The following KCNK9 variants were observed in gnomAD, a reference collection of about 807,000 sequenced individuals.
The protein encoded by KCNK9 is potassium channel subfamily K member 9.
A neutral mutation model predicts 10.8 loss-of-function variants in KCNK9; 1 was observed. The observed-to-expected ratio is 0.09, with a 90% CI of 0.03 to 0.44. The LOEUF (loss-of-function observed/expected upper bound fraction) is 0.44, where lower values mean the gene tolerates loss of function less well. Ranked by LOEUF, KCNK9 falls within the 20% of genes least tolerant of loss-of-function variation. The pLI is 0.97. For missense variants in KCNK9, 303 were observed against 515.0 expected (o/e 0.59, Z 3.98); for synonymous variants, 231 against 222.7 (o/e 1.04, Z -0.33).
intron 1 of KCNK9, among the ~76,000 whole-genome samples, chr8:139,659,503 G>A (rs182542842): frequency 2.6e-5 from 4 of 151,958 alleles, no homozygotes; most frequent in Admixed American, 6.6e-5. Context: ...GAAAGATCTC[G>A]AGGATTTTAT....
intron 1 of KCNK9, among the ~76,000 whole-genome samples, chr8:139,657,214 G>C (rs1007884984): frequency 1.1e-4 from 17 of 152,190 alleles, no homozygotes; most frequent in Non-Finnish European, 1.5e-5. Flanking sequence ...CAAGCATTCT[G>C]GTGCCCCTAA....
chr8:139,626,900 C>T (rs1814995141), intron 1 of KCNK9, among the ~76,000 whole-genome samples: 1 of 152,246 alleles, frequency 6.6e-6, no homozygotes, highest in Non-Finnish European at 1.5e-5. Context: ...AGGCTTCCCA[C>T]CTGGCTCCCA....
At chr8:139,650,230 T>C (rs1178469518) in intron 1 of KCNK9, among the ~76,000 whole-genome samples, 3 of 152,168 alleles carry the variant, frequency 2.0e-5, no homozygotes, top group Non-Finnish European at 4.4e-5. Flanking sequence ...AAGAACAGAC[T>C]GTAGGGGTGA....
Position 139,702,617 on chromosome 8 carries a change from C to T in KCNK9, c.283+93G>A. The T allele has an allele frequency of 3.0e-6, 4 of 1,336,444 alleles. No individual in the cohort carries two copies. The highest frequency in any genetic ancestry group is 3.0e-6 in the Non-Finnish European group (3 of 987,968). 82.8% of individuals were successfully genotyped at this position (1,336,444 alleles called of 1,614,324 possible). A position where few individuals can be genotyped will look rare whatever the true frequency, so the allele number is the denominator to read the frequency against. On this transcript the variant is annotated intron_variant, in intron 1 of 1. Transcript: ENST00000520439. The surrounding 1 kb of genome is among the most constrained non-coding windows in gnomAD (Gnocchi z 7.5). Reference sequence around the variant, plus strand: ...CCCAAGGGAGGCTGCGTTTAACCCTCGACGCCCTGCACCCAGCCCGGCGCG... The same window carrying T: ...CCCAAGGGAGGCTGCGTTTAACCCTTGACGCCCTGCACCCAGCCCGGCGCG...
chr8:139,700,859 T>C (rs1336538021), intron 1 of KCNK9, among the ~76,000 whole-genome samples: 1 of 152,180 alleles, frequency 6.6e-6, no homozygotes, highest in Admixed American at 6.5e-5. Flanking sequence ...ACTGGCACAT[T>C]TCAGAGTTTG....
chr8:139,638,543 G>A (rs1175347282), intron 1 of KCNK9, among the ~76,000 whole-genome samples: 2 of 152,228 alleles, frequency 1.3e-5, no homozygotes, highest in African/African-American at 4.8e-5. Context: ...AACAGGGCTG[G>A]TGAGGAGAGG....
intron 1 of KCNK9, among the ~76,000 whole-genome samples, chr8:139,664,279 T>C (rs1563741859): frequency 6.6e-6 from 1 of 152,166 alleles, no homozygotes; most frequent in African/African-American, 2.4e-5. Flanking sequence ...TTCCCTCCCC[T>C]GAATCTCCTT....
At chr8:139,664,009 C>T (rs1300044713) in intron 1 of KCNK9, among the ~76,000 whole-genome samples, 1 of 152,124 alleles carries the variant, frequency 6.6e-6, no homozygotes, top group African/African-American at 2.4e-5. Context: ...GAGAACGCTG[C>T]GAGGGCTTGC....
At chr8:139,606,127 G>C (rs1456754329) in intron 2 of KCNK9, among the ~76,000 whole-genome samples, 6 of 152,192 alleles carry the variant, frequency 3.9e-5, no homozygotes, top group Admixed American at 1.3e-4. Context: ...CAATGGGCCT[G>C]TTCAAATCCC....
chr8:139,649,067 G>T (rs577843086), intron 1 of KCNK9, among the ~76,000 whole-genome samples: 1 of 152,106 alleles, frequency 6.6e-6, no homozygotes, highest in Non-Finnish European at 1.5e-5. Flanking sequence ...TTTATCCTCC[G>T]AGGAGCTTTC....
In KCNK9 at chr8:139,618,122, C is replaced by A. The variant is rs1814656446; in HGVS notation, c.*136G>T. ...GTGGGGGAAAATGAGACCAAGAGAC[C>A]AAGAAAGGAGGAAGGAGAGAAAGTA... On this transcript the variant is annotated 3_prime_UTR_variant, in exon 2 of 2. Coordinates refer to ENST00000520439, the MANE Select transcript of KCNK9 (RefSeq NM_001282534.2). This position sits in a 1 kb window ranked among gnomAD's most constrained non-coding sequence, Gnocchi z 7.9. 6 of 1,278,570 alleles carry A rather than the reference C, an allele frequency of 4.7e-6. No homozygotes were observed. The East Asian group carries it at 1.0e-4, about 22-fold the overall frequency. 79.2% of individuals were successfully genotyped at this position (1,278,570 alleles called of 1,614,324 possible).
At chr8:139,684,629 T>C (rs1816752097) in intron 1 of KCNK9, among the ~76,000 whole-genome samples, 1 of 152,194 alleles carries the variant, frequency 6.6e-6, no homozygotes, top group African/African-American at 2.4e-5. Context: ...AGCTTATCTC[T>C]GCCAAGAAGA....
intron 1 of KCNK9, among the ~76,000 whole-genome samples, chr8:139,635,106 C>G (rs1277963437): frequency 6.6e-6 from 1 of 152,230 alleles, no homozygotes; most frequent in Non-Finnish European, 1.5e-5. Flanking sequence ...CATTCTAGAG[C>G]CTGTTTTACT....
At chr8:139,673,399 A>G (rs1816480811) in intron 1 of KCNK9, among the ~76,000 whole-genome samples, 1 of 152,248 alleles carries the variant, frequency 6.6e-6, no homozygotes, top group Non-Finnish European at 1.5e-5. Context: ...TGAAAAAGTC[A>G]AAAGCCTTGC....
At chr8:139,614,419 C>G (rs930422115), downstream of KCNK9, among the ~76,000 whole-genome samples, 13 of 152,226 alleles carry the variant, frequency 8.5e-5, no homozygotes, top group African/African-American at 3.1e-4. Flanking sequence ...GAATCCTGGG[C>G]TGCAAATGAG....
At chr8:139,639,044 C>T (rs761380805) in intron 1 of KCNK9, among the ~76,000 whole-genome samples, 4 of 152,048 alleles carry the variant, frequency 2.6e-5, no homozygotes, top group Non-Finnish European at 1.5e-5. Context: ...ACCGCCAGGC[C>T]GTAGCCAACC....
intron 1 of KCNK9, among the ~76,000 whole-genome samples, chr8:139,669,067 G>A (rs1313083301): frequency 6.6e-6 from 1 of 151,930 alleles, no homozygotes; most frequent in Non-Finnish European, 1.5e-5. Context: ...CAATCGTATT[G>A]TGTCTAAAAT....
intron 1 of KCNK9, among the ~76,000 whole-genome samples, chr8:139,687,572 ATATATATG>A: frequency 9.6e-6 from 1 of 103,848 alleles, no homozygotes; most frequent in African/African-American, 3.7e-5. Context: ...ACATATATTC[ATATATATG>A]TATACATATA....
intron 1 of KCNK9, among the ~76,000 whole-genome samples, chr8:139,680,100 T>C (rs1298336569): frequency 6.6e-6 from 1 of 152,080 alleles, no homozygotes; most frequent in Non-Finnish European, 1.5e-5. Flanking sequence ...CTACGGGGAC[T>C]CAGGAGTGAT....
Sources: gnomAD v4.1 joint callset for allele counts (sites outside exome capture counted in the v4.1 genomes callset) on GRCh38, gnomAD v4.1.1 for gene constraint, Gnocchi (gnomAD v3.1) non-coding constraint, MANE v1.5 for transcripts, NCBI Gene and HGNC (gene_info 2026-07-23, HGNC 2026-07-21) for gene names.